Variants in TECRL observed in about 807,000 individuals in gnomAD.
TECRL encodes the protein trans-2,3-enoyl-CoA reductase-like.
In TECRL, 63 loss-of-function variants were observed where a neutral mutation model predicts 52.8. The observed-to-expected ratio is 1.19, with a 90% CI of 0.97 to 1.47. TECRL has a LOEUF of 1.47. TECRL is among the 40% of genes most tolerant of loss of function. The probability of loss-of-function intolerance (pLI) is 0.00; values close to 1 mark genes in which losing one functional copy is unlikely to be tolerated. For synonymous variants in TECRL, 164 were observed against 141.9 expected (o/e 1.16, Z -1.10); for missense variants, 482 against 429.6 (o/e 1.12, Z -1.08).
chr4:64,281,899 T>A (rs949296232), intron 9 of TECRL, among the ~76,000 whole-genome samples: 1 of 151,942 alleles, frequency 6.6e-6, no homozygotes, highest in African/African-American at 2.4e-5. Context: ...GCTGAAATTA[T>A]AAAGTGTGTT....
intron 8 of TECRL, among the ~76,000 whole-genome samples, chr4:64,295,666 T>A (rs1256468450): frequency 6.6e-6 from 1 of 151,832 alleles, no homozygotes. Context: ...TCACAGGAGT[T>A]CTTTTTACAT....
At chr4:64,379,659 A>G (rs1317342894) in intron 1 of TECRL, among the ~76,000 whole-genome samples, 1 of 152,244 alleles carries the variant, frequency 6.6e-6, no homozygotes. Flanking sequence ...CCTCTGCTAA[A>G]TATTATACTC....
chr4:64,345,907 C>CAAAAAA lies in TECRL; in HGVS notation c.287-17357_287-17352dup, dbSNP rs777171822. Reference sequence around the variant, plus strand: ...CCAACACTGATGGGTGCCTCAACAGCAAAAAAAAAAAAAAAAAAAAAAAAC... The same window carrying CAAAAAA: ...CCAACACTGATGGGTGCCTCAACAGCAAAAAAAAAAAAAAAAAAAAAAAAAAAAAAC... On this transcript the variant is annotated intron_variant, in intron 2 of 11. Transcript: ENST00000381210. Among the ~76,000 whole-genome samples, 37 of 23,344 alleles carry CAAAAAA rather than the reference C, an allele frequency of 1.6e-3. 15 individuals are homozygous for CAAAAAA. Among genetic ancestry groups the CAAAAAA allele is most frequent in the African/African-American group, 3.6e-3 (19 of 5,346 alleles). The allele number at this position is 23,344 out of a possible 152,430, so 15.3% of individuals were successfully genotyped here. A position where few individuals can be genotyped will look rare whatever the true frequency, so the allele number is the denominator to read the frequency against.
chr4:64,345,907 C>CAAAAAAAAAAAAAATAAAA lies in TECRL; in HGVS notation c.287-17352_287-17351insTTTTATTTTTTTTTTTTTT, dbSNP rs1719926627. ...CCAACACTGATGGGTGCCTCAACAGCAAAAAAAAAAAAAAAAAAAAAAAAC... is the reference window on the plus strand; with the variant it reads ...CCAACACTGATGGGTGCCTCAACAGCAAAAAAAAAAAAAATAAAAAAAAAAAAAAAAAAAAAAAAAAAAC... On this transcript the variant is annotated intron_variant, in intron 2 of 11. Coordinates refer to ENST00000381210, the MANE Select transcript of TECRL (RefSeq NM_001010874.5). Among the ~76,000 whole-genome samples, 2 of 23,350 alleles carry CAAAAAAAAAAAAAATAAAA rather than the reference C, an allele frequency of 8.6e-5. 1 individual carries two copies. The highest frequency in any genetic ancestry group is 1.4e-4 in the Non-Finnish European group (2 of 14,716). The allele number at this position is 23,350 out of a possible 152,430, so 15.3% of individuals were successfully genotyped here.
At chr4:64,329,588 C>G (rs1718490722) in intron 2 of TECRL, among the ~76,000 whole-genome samples, 1 of 151,810 alleles carries the variant, frequency 6.6e-6, no homozygotes, top group East Asian at 1.9e-4. Context: ...AATGCATACA[C>G]TGACGTAAAT....
At chr4:64,306,347 G>A (rs2109989514) in intron 6 of TECRL, among the ~76,000 whole-genome samples, 1 of 152,206 alleles carries the variant, frequency 6.6e-6, no homozygotes, top group Non-Finnish European at 1.5e-5. Context: ...AGGATATCCT[G>A]GGGCAACTGA....
chr4:64,367,106 C>A (rs1235334387), intron 2 of TECRL, among the ~76,000 whole-genome samples: 1 of 151,972 alleles, frequency 6.6e-6, no homozygotes, highest in Non-Finnish European at 1.5e-5. Context: ...GAGCTGGAGG[C>A]CATTATCATG....
intron 1 of TECRL, among the ~76,000 whole-genome samples, chr4:64,394,486 G>T (rs557048084): frequency 6.6e-6 from 1 of 152,262 alleles, no homozygotes; most frequent in East Asian, 1.9e-4. Flanking sequence ...ACTAGTCCTA[G>T]AATTTTATCT....
In TECRL at chr4:64,281,477, A is replaced by G. The variant is rs974725975; in HGVS notation, c.915T>C (p.Tyr305=). The G allele has an allele frequency of 2.5e-6, 4 of 1,581,864 alleles. No homozygotes were observed. Among genetic ancestry groups the G allele is most frequent in the Non-Finnish European group, 3.5e-6 (4 of 1,155,056 alleles). Reference sequence around the variant, plus strand: ...TTTACATACATAAATAACATACCTCATAGGTGTAGTTAGGACATGAAACCA... The same window carrying G: ...TTTACATACATAAATAACATACCTCGTAGGTGTAGTTAGGACATGAAACCA... ...FFLVSCPNYT[Y]EIGSWISFTV... is the part of the protein sequence containing the mutation. Residue 305 remains tyrosine (Y), a synonymous_variant, in exon 10 of 12, where the codon TAT becomes TAC. Coordinates refer to ENST00000381210, the MANE Select transcript of TECRL (RefSeq NM_001010874.5).
At chr4:64,379,088 A>C (rs2109696832) in intron 1 of TECRL, among the ~76,000 whole-genome samples, 1 of 152,132 alleles carries the variant, frequency 6.6e-6, no homozygotes, top group African/African-American at 2.4e-5. Flanking sequence ...TTAACATATA[A>C]ATTGATTTTG....
chr4:64,280,489 T>A (rs2109921898), intron 11 of TECRL, among the ~76,000 whole-genome samples: 1 of 152,246 alleles, frequency 6.6e-6, no homozygotes, highest in Non-Finnish European at 1.5e-5. Context: ...AAATTTTCAA[T>A]AATAGTTGCC....
intron 2 of TECRL, among the ~76,000 whole-genome samples, chr4:64,344,884 C>T (rs887760683): frequency 1.2e-4 from 19 of 152,192 alleles, no homozygotes; most frequent in East Asian, 1.9e-4. Context: ...AGTCAGGTAG[C>T]TCTTGACTGA....
At chr4:64,345,046 G>C (rs1719850873) in intron 2 of TECRL, among the ~76,000 whole-genome samples, 2 of 152,148 alleles carry the variant, frequency 1.3e-5, no homozygotes. Flanking sequence ...TCATTAAAAA[G>C]TCAGGAAACA....
rs373354721 is a variant in TECRL at position 64,384,826 on chromosome 4, C to A, written c.235-9603G>T. On this transcript the variant is annotated intron_variant, in intron 1 of 11. Transcript: ENST00000381210. ...TATGCATGAATTCTTGTGGCTTCAG[C>A]CCCCTGGATAATGTGCACAGACACT... Among the ~76,000 whole-genome samples, 7 of 152,238 alleles carry A rather than the reference C, an allele frequency of 4.6e-5. No homozygotes were observed. In the East Asian group the frequency reaches 1.4e-3, roughly 29 times the overall value.
At chr4:64,358,425 T>C (rs1048188897) in intron 2 of TECRL, among the ~76,000 whole-genome samples, 2 of 151,818 alleles carry the variant, frequency 1.3e-5, no homozygotes, top group African/African-American at 4.8e-5. Context: ...AGCAAAAGTA[T>C]ATTTCCAGTA....
At chr4:64,317,829 A>T (rs951169205) in intron 4 of TECRL, among the ~76,000 whole-genome samples, 1 of 152,184 alleles carries the variant, frequency 6.6e-6, no homozygotes, top group Admixed American at 6.5e-5. Flanking sequence ...GAAGGTCAAA[A>T]ATGTTGAAAT....
chr4:64,306,113 C>A (rs80237552), intron 6 of TECRL, among the ~76,000 whole-genome samples: 5,898 of 152,158 alleles, frequency 0.039, 380 homozygotes, highest in African/African-American at 0.14. Flanking sequence ...CTTTCATTTC[C>A]AAGAGCTCTT....
intron 1 of TECRL, among the ~76,000 whole-genome samples, chr4:64,385,010 G>A (rs1020723902): frequency 1.3e-5 from 2 of 152,174 alleles, no homozygotes; most frequent in African/African-American, 4.8e-5. Context: ...GCCCATGGAT[G>A]ATGCACACAG....
At chr4:64,350,073 C>T (rs6850931) in intron 2 of TECRL, among the ~76,000 whole-genome samples, 102,194 of 152,026 alleles carry the variant, frequency 0.67, 35,472 homozygotes, top group Non-Finnish European at 0.76. Flanking sequence ...GAATCAACAT[C>T]TGTCTGTTGA....
Sources: allele counts gnomAD v4.1 joint callset (sites outside exome capture counted in the v4.1 genomes callset), GRCh38; gene constraint gnomAD v4.1.1; transcripts MANE v1.5; gene names NCBI Gene and HGNC (gene_info 2026-07-23, HGNC 2026-07-21).